Variants in CPAP observed in about 807,000 individuals in gnomAD.
CPAP encodes centrosome assembly and centriole elongation protein.
the CPAP span, among the ~76,000 whole-genome samples, chr13:24,923,922 G>C: frequency 1.3e-5 from 2 of 152,018 alleles, no homozygotes; most frequent in Admixed American, 1.3e-4. Context: ...TCTGCCTGCC[G>C]GGTTCACGCC....
At chr13:24,909,502 T>A in the CPAP span, among the ~76,000 whole-genome samples, 1 of 149,684 alleles carries the variant, frequency 6.7e-6, no homozygotes. Context: ...CTCTCCAGCC[T>A]GGGTGACAGA....
chr13:24,912,961 G>C, the CPAP span: 1 of 1,614,072 alleles, frequency 6.2e-7, no homozygotes, highest in Non-Finnish European at 8.5e-7. Flanking sequence ...AGAAGGATTG[G>C]TCATCCACTG....
the CPAP span, among the ~76,000 whole-genome samples, chr13:24,917,288 T>C: frequency 6.6e-6 from 1 of 152,146 alleles, no homozygotes; most frequent in South Asian, 2.1e-4. Flanking sequence ...CATGGACCTA[T>C]GCATTTAGTA....
At chr13:24,896,262 C>T in the CPAP span, among the ~76,000 whole-genome samples, 974 of 152,250 alleles carry the variant, frequency 6.4e-3, 3 homozygotes, top group Non-Finnish European at 0.01. Flanking sequence ...CGAACAAAGG[C>T]GAGAGTTCAA....
the CPAP span, among the ~76,000 whole-genome samples, chr13:24,911,770 G>A: frequency 4.0e-5 from 6 of 151,648 alleles, no homozygotes; most frequent in Non-Finnish European, 7.4e-5. Context: ...ACCAGAATGC[G>A]GCAGCTCCTT....
At chr13:24,918,767 G>A in the CPAP span, among the ~76,000 whole-genome samples, 1 of 152,112 alleles carries the variant, frequency 6.6e-6, no homozygotes, top group African/African-American at 2.4e-5. Context: ...GGATAGTAAA[G>A]GTCTTTGTGT....
chr13:24,908,458 A>AAAAAAAAAAAG, the CPAP span, among the ~76,000 whole-genome samples: 1 of 129,290 alleles, frequency 7.7e-6, no homozygotes, highest in African/African-American at 2.7e-5. Context: ...AAAAAAAAAA[A>AAAAAAAAAAAG]AAAAAATTAG....
At chr13:24,921,529 C>A in the CPAP span, among the ~76,000 whole-genome samples, 32 of 152,232 alleles carry the variant, frequency 2.1e-4, no homozygotes, top group African/African-American at 7.7e-4. Flanking sequence ...TTAAGATTAG[C>A]GCACTTTACT....
At chr13:24,931,354 AT>A in the CPAP span, among the ~76,000 whole-genome samples, 1 of 90,746 alleles carries the variant, frequency 1.1e-5, no homozygotes, top group Non-Finnish European at 2.0e-5. Flanking sequence ...AAGATTGGAC[AT>A]TTTGAGCATT....
the CPAP span, among the ~76,000 whole-genome samples, chr13:24,917,562 G>C: frequency 0.011 from 1,654 of 152,206 alleles, 33 homozygotes; most frequent in African/African-American, 0.039. Context: ...AATCTCATCA[G>C]TGTCAATGGA....
chr13:24,886,055 G>A, the CPAP span: 2 of 364,348 alleles, frequency 5.5e-6, no homozygotes, highest in Non-Finnish European at 5.3e-6. Context: ...TTGTGGCTAT[G>A]GTATAAACTT....
chr13:24,932,089 A>G, the CPAP span, among the ~76,000 whole-genome samples: 1 of 152,182 alleles, frequency 6.6e-6, no homozygotes, highest in Admixed American at 6.5e-5. Flanking sequence ...CGCCAAACTG[A>G]TAAAGCACGC....
chr13:24,898,068 GT>G, the CPAP span, among the ~76,000 whole-genome samples: 3 of 152,090 alleles, frequency 2.0e-5, no homozygotes, highest in African/African-American at 7.2e-5. Context: ...TAATTTTTTT[GT>G]ATTTTTCGTA....
At chr13:24,925,793 G>A in the CPAP span, 1 of 152,688 alleles carries the variant, frequency 6.5e-6, no homozygotes, top group Admixed American at 6.5e-5. Context: ...AGAGGGCAAG[G>A]AGTAGGTACC....
the CPAP span, among the ~76,000 whole-genome samples, chr13:24,891,055 C>T: frequency 2.0e-5 from 3 of 151,782 alleles, no homozygotes; most frequent in Non-Finnish European, 2.9e-5. Flanking sequence ...CGCTCCCAGC[C>T]GATCAGGCTT....
chr13:24,885,754 ATCCTG>A, the CPAP span: 7 of 972,414 alleles, frequency 7.2e-6, no homozygotes, highest in Non-Finnish European at 9.9e-6. Context: ...CTTAGTTCAT[ATCCTG>A]TGAACTGCTG....
the CPAP span, chr13:24,907,140 T>C: frequency 1.2e-6 from 2 of 1,613,976 alleles, no homozygotes; most frequent in Non-Finnish European, 8.5e-7. Context: ...AATTTGTTCT[T>C]CTAAGTAATC....
chr13:24,891,987 G>A, the CPAP span, among the ~76,000 whole-genome samples: 2 of 152,206 alleles, frequency 1.3e-5, no homozygotes, highest in African/African-American at 2.4e-5. Context: ...AGACGGCGAC[G>A]CCACTCCACA....
At chr13:24,887,214 A>C in the CPAP span, among the ~76,000 whole-genome samples, 1 of 152,322 alleles carries the variant, frequency 6.6e-6, no homozygotes, top group African/African-American at 2.4e-5. Context: ...TAAAGAGCAA[A>C]AAGACAAGCC....
Sources: gnomAD v4.1 joint callset for allele counts (sites outside exome capture counted in the v4.1 genomes callset) on GRCh38, gnomAD v4.1.1 for gene constraint, MANE v1.5 for transcripts, NCBI Gene and HGNC (gene_info 2026-07-23, HGNC 2026-07-21) for gene names.